ZNF391: variants seen among roughly 807,000 people sequenced by gnomAD.
ZNF391 encodes the protein zinc finger protein 391.
For synonymous variants in ZNF391, 126 were observed against 142.1 expected (o/e 0.89, Z 0.80); for missense variants, 375 against 425.5 (o/e 0.88, Z 1.04).
In ZNF391 at chr6:27,402,647, AG is replaced by A; in HGVS notation, c.*1202del. On this transcript the variant is annotated 3_prime_UTR_variant, in exon 3 of 3. Transcript: ENST00000244576. Reference sequence around the variant, plus strand: ...GAGAGAAGGTCTTGCTGTGTTGCCCAGGCTGGAGTGCAATGGCACAATCATA... The same window carrying A: ...GAGAGAAGGTCTTGCTGTGTTGCCCAGCTGGAGTGCAATGGCACAATCATA... The A allele has an allele frequency of 6.6e-6, 1 of 152,328 alleles. No individual in the cohort carries two copies. Among genetic ancestry groups the A allele is most frequent in the South Asian group, 2.1e-4 (1 of 4,834 alleles). 9.4% of individuals were successfully genotyped at this position (152,328 alleles called of 1,614,324 possible). A position where few individuals can be genotyped will look rare whatever the true frequency, so the allele number is the denominator to read the frequency against.
At chr6:27,396,932 A>C (rs561005723) in intron 1 of ZNF391, among the ~76,000 whole-genome samples, 1 of 152,270 alleles carries the variant, frequency 6.6e-6, no homozygotes, top group Non-Finnish European at 1.5e-5. Context: ...TTAAATTCTA[A>C]TAGTACTATC....
Position 27,400,467 on chromosome 6 carries a change from C to A in ZNF391, c.97C>A (p.Gln33Lys). ...ATCAAGGCAAACAAAATGTCCTGCA[C>A]AGAAGAAATCCTCTTTTGAGAACAC... is the stretch of plus-strand genomic sequence containing the variant. ...QLSRQTKCPA[Q>K]KKSSFENTVV... is the part of the protein sequence containing the mutation. The change falls in exon 3 of 3, where the codon CAG (glutamine) becomes AAG (lysine). Residue 33 changes from glutamine (Q) to lysine (K), a missense_variant. Transcript: ENST00000244576. 6.2e-7 allele frequency: 1 copy of A among 1,614,138 alleles called. No individual in the cohort carries two copies. Among genetic ancestry groups the A allele is most frequent in the Non-Finnish European group, 8.5e-7 (1 of 1,180,014 alleles).
intron 1 of ZNF391, among the ~76,000 whole-genome samples, chr6:27,380,971 T>A (rs1761491538): frequency 6.6e-6 from 1 of 152,244 alleles, no homozygotes; most frequent in Non-Finnish European, 1.5e-5. Context: ...GTTCTCCACG[T>A]CCCCACCAGA....
rs574269774 is a variant in ZNF391, at chr6:27,402,309, A to G, written c.*862A>G. 6.6e-6 allele frequency: 1 copy of G among 152,230 alleles called. No individual in the cohort carries two copies. The highest frequency in any genetic ancestry group is 2.1e-4 in the South Asian group (1 of 4,820). 9.4% of individuals were successfully genotyped at this position (152,230 alleles called of 1,614,324 possible). A position where few individuals can be genotyped will look rare whatever the true frequency, so the allele number is the denominator to read the frequency against. ...GGCTTTGACCCTCACCAATCTTGGA[A>G]GATTGATCTCTCAAGGACAAACCCA... On this transcript the variant is annotated 3_prime_UTR_variant, in exon 3 of 3. Coordinates refer to ENST00000244576, the MANE Select transcript of ZNF391 (RefSeq NM_001076781.3).
upstream of ZNF391, among the ~76,000 whole-genome samples, chr6:27,385,097 G>T (rs1383710577): frequency 6.6e-6 from 1 of 151,764 alleles, no homozygotes; most frequent in African/African-American, 2.4e-5. Context: ...TTTGAGAGTG[G>T]ACTCAGATTA....
rs1456884355 is a variant in ZNF391, at chr6:27,403,732, A to G, written c.*2285A>G. On this transcript the variant is annotated 3_prime_UTR_variant, in exon 3 of 3. Transcript: ENST00000244576. ...CATTTTGTTTTTCCTTGAATTACATATATAACTGACTATTTAGACTGACTC... is the reference window on the plus strand; with the variant it reads ...CATTTTGTTTTTCCTTGAATTACATGTATAACTGACTATTTAGACTGACTC... The G allele has an allele frequency of 2.0e-5, 3 of 152,232 alleles. No homozygotes were observed. The highest frequency in any genetic ancestry group is 6.5e-5 in the Admixed American group (1 of 15,286). 9.4% of individuals were successfully genotyped at this position (152,232 alleles called of 1,614,324 possible).
In ZNF391 at chr6:27,400,798, G is replaced by A. The variant is rs1432458130; in HGVS notation, c.428G>A (p.Gly143Glu). ...GEKPFECNKC[G>E]KSFSRSTHLI... ...AAGCCTTTTGAATGCAACAAATGTG[G>A]GAAATCTTTCAGCCGAAGTACACAC... Residue 143 changes from glycine to glutamate, a missense_variant, in exon 3 of 3, where the codon GGG becomes GAG. Physicochemically the swap from Gly to Glu is moderately conservative, Grantham distance 98. Transcript: ENST00000244576. The A allele has an allele frequency of 6.2e-7, 1 of 1,614,172 alleles. No individual in the cohort carries two copies. The highest frequency in any genetic ancestry group is 1.7e-5 in the Admixed American group (1 of 60,024).
chr6:27,378,383 GT>G (rs1561806582), intron 1 of ZNF391, among the ~76,000 whole-genome samples: 1 of 151,762 alleles, frequency 6.6e-6, no homozygotes, highest in Non-Finnish European at 1.5e-5. Context: ...GGGTGGGGCC[GT>G]TTTATAAGAT....
At chr6:27,383,834 A>G (rs1027159905), upstream of ZNF391, among the ~76,000 whole-genome samples, 1 of 152,164 alleles carries the variant, frequency 6.6e-6, no homozygotes, top group African/African-American at 2.4e-5. Flanking sequence ...CAGAAAATCG[A>G]AATTAAAGAA....
chr6:27,385,216 CA>C (rs527647748), upstream of ZNF391, among the ~76,000 whole-genome samples: 169 of 75,474 alleles, frequency 2.2e-3, no homozygotes, highest in African/African-American at 6.5e-3. Context: ...TCAATTAAAA[CA>C]AAAAAAGTCA....
chr6:27,380,226 C>T (rs552989750), intron 1 of ZNF391, among the ~76,000 whole-genome samples: 3 of 152,192 alleles, frequency 2.0e-5, no homozygotes, highest in Non-Finnish European at 4.4e-5. Flanking sequence ...AGAACGAAGC[C>T]GCGGACACTC....
intron 1 of ZNF391, among the ~76,000 whole-genome samples, chr6:27,383,056 G>A (rs752382214): frequency 6.6e-6 from 1 of 151,878 alleles, no homozygotes; most frequent in Non-Finnish European, 1.5e-5. Context: ...GGAAGCAGAG[G>A]TTGCACCGAG....
chr6:27,400,562 A>G lies in ZNF391; in HGVS notation c.192A>G (p.Glu64=), dbSNP rs1352580866. The G allele has an allele frequency of 1.2e-6, 2 of 1,614,200 alleles. No individual in the cohort carries two copies. Among genetic ancestry groups the G allele is most frequent in the Non-Finnish European group, 1.7e-6 (2 of 1,180,020 alleles). The change falls in exon 3 of 3, where the codon GAA becomes GAG. Residue 64 remains glutamate, a synonymous_variant. Transcript: ENST00000244576. The stretch of plus-strand genomic sequence containing the variant: ...GGGAGGAAGGCCCTGAATCCAGTGA[A>G]TTTAGTCTAAGCCCAAACCTTGACG... ...FTGEEGPESS[E]FSLSPNLDAQ... is the part of the protein sequence containing the mutation.
upstream of ZNF391, chr6:27,388,568 A>C (rs1307029472): frequency 3.4e-6 from 1 of 291,768 alleles, no homozygotes; most frequent in Non-Finnish European, 6.6e-6. Flanking sequence ...GCAGTGTATT[A>C]AGGTGGTCTT....
intron 1 of ZNF391, among the ~76,000 whole-genome samples, chr6:27,394,083 A>AT (rs1357521366): frequency 6.6e-6 from 1 of 152,260 alleles, no homozygotes; most frequent in Non-Finnish European, 1.5e-5. Context: ...AGAAAAAAAA[A>AT]GCTTTTTCAG....
intron 1 of ZNF391, among the ~76,000 whole-genome samples, chr6:27,397,910 A>AG (rs1325890223): frequency 1.3e-5 from 2 of 152,208 alleles, no homozygotes; most frequent in Non-Finnish European, 2.9e-5. Context: ...GATTACAGGC[A>AG]TGAGCCACTG....
At chr6:27,382,185 C>T (rs4713085) in intron 1 of ZNF391, among the ~76,000 whole-genome samples, 109,342 of 151,946 alleles carry the variant, frequency 0.72, 39,498 homozygotes, top group Middle Eastern at 0.82. Flanking sequence ...TACCAAAAAT[C>T]AGCCGGGTGT....
upstream of ZNF391, chr6:27,388,714 C>T: frequency 3.0e-6 from 1 of 330,454 alleles, no homozygotes; most frequent in Non-Finnish European, 5.8e-6. Context: ...GGCTCTCAGG[C>T]GCAAGCGCAG....
At chr6:27,379,810 A>T (rs567636771) in intron 1 of ZNF391, among the ~76,000 whole-genome samples, 1 of 152,348 alleles carries the variant, frequency 6.6e-6, no homozygotes, top group African/African-American at 2.4e-5. Context: ...CTGGGCTTTT[A>T]TCAGGGCCTA....
Sources: gnomAD v4.1 joint callset for allele counts (sites outside exome capture counted in the v4.1 genomes callset) on GRCh38, gnomAD v4.1.1 for gene constraint, MANE v1.5 for transcripts, NCBI Gene and HGNC (gene_info 2026-07-23, HGNC 2026-07-21) for gene names.